Variants in SIRT2 observed in about 807,000 individuals in gnomAD.
SIRT2 encodes NAD-dependent protein deacetylase sirtuin-2.
In SIRT2, 40 loss-of-function variants were observed where a neutral mutation model predicts 57.4. The ratio of observed to expected loss-of-function variants is 0.70; its 90% CI spans 0.54 to 0.91. The LOEUF (loss-of-function observed/expected upper bound fraction) is 0.91, where lower values mean the gene tolerates loss of function less well. SIRT2 is among the 40% of genes least tolerant of loss of function. The pLI is 0.00. For synonymous variants in SIRT2, 161 were observed against 195.7 expected (o/e 0.82, Z 1.48); for missense variants, 439 against 510.4 (o/e 0.86, Z 1.35).
chr19:38,881,534 T>A (rs992987297), intron 9 of SIRT2, 43 bp from the exon 10 acceptor site: 1 of 1,570,706 alleles, frequency 6.4e-7, no homozygotes, highest in Non-Finnish European at 8.8e-7. Context: ...AGTAAGAGGA[T>A]CTGGGCCGGA....
intron 8 of SIRT2, among the ~76,000 whole-genome samples, chr19:38,884,938 G>A (rs1328458515): frequency 6.6e-6 from 1 of 151,504 alleles, no homozygotes; most frequent in East Asian, 2.0e-4. Context: ...GCTGGTCAGC[G>A]AGCCTTCTGC....
chr19:38,881,878 G>A (rs1973165668), intron 9 of SIRT2, among the ~76,000 whole-genome samples: 2 of 151,766 alleles, frequency 1.3e-5, no homozygotes, highest in Non-Finnish European at 2.9e-5. Flanking sequence ...TGTAGAGACA[G>A]GGTTTCGCCA....
intron 13 of SIRT2, 136 bp from the exon 14 acceptor site, chr19:38,879,838 T>A: frequency 1.5e-6 from 1 of 660,242 alleles, no homozygotes; most frequent in Admixed American, 2.9e-5. Context: ...TTTTTGGTTT[T>A]TTTTGAGACA....
chr19:38,887,014 G>A (rs1197983279), intron 8 of SIRT2, among the ~76,000 whole-genome samples: 2 of 150,338 alleles, frequency 1.3e-5, no homozygotes, highest in Non-Finnish European at 3.0e-5. Context: ...CTCAGCTCAG[G>A]GCAACCTCCA....
intron 14 of SIRT2, 55 bp downstream of exon 14, chr19:38,879,577 G>A (rs45496398): frequency 2.1e-5 from 33 of 1,552,164 alleles, no homozygotes; most frequent in South Asian, 1.5e-4. Flanking sequence ...TCGTGCCCCC[G>A]CTCCCACCTC....
At chr19:38,894,764 C>T (rs1241641426) in intron 2 of SIRT2, 1 of 455,808 alleles carries the variant, frequency 2.2e-6, no homozygotes, top group Non-Finnish European at 4.4e-6. Context: ...CAGCCCAGCT[C>T]CAGACTGGCA....
intron 13 of SIRT2, 30 bp from the exon 14 acceptor site, chr19:38,879,732 G>A (rs1328773192): frequency 6.5e-7 from 1 of 1,530,874 alleles, no homozygotes; most frequent in Non-Finnish European, 8.9e-7. Flanking sequence ...TCAGGGGCAG[G>A]AGCAGGGAAG....
intron 15 of SIRT2, 43 bp from the exon 16 acceptor site, chr19:38,879,353 C>G (rs149689689): frequency 4.3e-6 from 7 of 1,610,294 alleles, no homozygotes; most frequent in Non-Finnish European, 5.9e-6. Context: ...CACTGTGCAT[C>G]ATGGGGTCAG....
rs772601572 is a variant in SIRT2, at chr19:38,883,691, G to A, written c.567C>T (p.Thr189=). The change falls in exon 9 of 16, where the codon ACC becomes ACT. Residue 189 remains threonine, a synonymous_variant. Coordinates refer to ENST00000249396, the MANE Select transcript of SIRT2 (RefSeq NM_012237.4). Reference sequence around the variant, plus strand: ...CGCTGACGCAGTGTGATGTGTAGAAGGTGCCGTGCGCCTCCACCAAGTCCT... The same window carrying A: ...CGCTGACGCAGTGTGATGTGTAGAAAGTGCCGTGCGCCTCCACCAAGTCCT... ...EQEDLVEAHG[T]FYTSHCVSAS... The A allele has an allele frequency of 5.0e-6, 8 of 1,614,092 alleles. No individual in the cohort carries two copies. Among genetic ancestry groups the A allele is most frequent in the South Asian group, 4.4e-5 (4 of 91,084 alleles).
In SIRT2 at chr19:38,893,880, G is replaced by A; in HGVS notation, c.64-13C>T. ...CTGAATCTGAGTCCTGGAAGGGGTG[G>A]GGTGGAGTGGCCAGGCCCGAGAGGT... On this transcript the variant is annotated splice_polypyrimidine_tract_variant and intron_variant, in intron 2 of 15. Coordinates refer to ENST00000249396, the MANE Select transcript of SIRT2 (RefSeq NM_012237.4). The A allele has an allele frequency of 6.2e-7, 1 of 1,614,086 alleles. No individual in the cohort carries two copies. Among genetic ancestry groups the A allele is most frequent in the Non-Finnish European group, 8.5e-7 (1 of 1,179,984 alleles).
In SIRT2 at chr19:38,893,390, GC is replaced by G. The variant is rs752330635; in HGVS notation, c.226+23del. 3.2e-5 allele frequency: 47 copies of G among 1,477,486 alleles called. No individual in the cohort carries two copies. The South Asian group carries it at 5.0e-4, about 16-fold the overall frequency. The allele number at this position is 1,477,486 out of a possible 1,614,324, so 91.5% of individuals were successfully genotyped here. A position where few individuals can be genotyped will look rare whatever the true frequency, so the allele number is the denominator to read the frequency against. On this transcript the variant is annotated intron_variant, in intron 4 of 15. Coordinates refer to ENST00000249396, the MANE Select transcript of SIRT2 (RefSeq NM_012237.4). ...TTGGGGCCAGGAGCCAGGCAAAGTG[GC>G]CCAATCCTGACAGGGGACTCACAGC...
At chr19:38,892,491 C>A (rs1261770038) in intron 4 of SIRT2, among the ~76,000 whole-genome samples, 1 of 152,198 alleles carries the variant, frequency 6.6e-6, no homozygotes, top group Non-Finnish European at 1.5e-5. Flanking sequence ...GTAGTAATAA[C>A]CACGGCACAC....
At chr19:38,889,664 G>C (rs180706698) in intron 7 of SIRT2, 25 bp downstream of exon 7, 1 of 1,612,842 alleles carries the variant, frequency 6.2e-7, no homozygotes, top group Admixed American at 1.7e-5. Context: ...TTCCTGTTTC[G>C]CCCCCTGCAA....
chr19:38,893,926 G>A, intron 2 of SIRT2, 59 bp from the exon 3 acceptor site: 1 of 1,609,712 alleles, frequency 6.2e-7, no homozygotes, highest in South Asian at 1.1e-5. Flanking sequence ...AGGGAGGAGA[G>A]GGGGTGATAC....
rs373222056 is a variant in SIRT2, at chr19:38,882,765, C to T, written c.631+862G>A. ...AAAGCATTGTTTCAATGTCAGTAGTCGGTAATTTTCTTTAAAATATTTCTG... is the reference window on the plus strand; with the variant it reads ...AAAGCATTGTTTCAATGTCAGTAGTTGGTAATTTTCTTTAAAATATTTCTG... On this transcript the variant is annotated intron_variant, in intron 9 of 15. Transcript: ENST00000249396. 2.5e-4 allele frequency among the ~76,000 whole-genome samples: 38 copies of T among 152,232 alleles called. 1 individual carries two copies. Among genetic ancestry groups the T allele is most frequent in the African/African-American group, 9.1e-4 (38 of 41,534 alleles).
chr19:38,889,143 G>A lies in SIRT2; in HGVS notation c.445C>T (p.His149Tyr), dbSNP rs1472469269. ...YPGQFKPTIC[H>Y]YFMRLLKDKG... Reference sequence around the variant, plus strand: ...TCCTTCAGCAGGCGCATGAAGTAGTGACAGATGGTTGGCTGCAGGGAAGAG... The same window carrying A: ...TCCTTCAGCAGGCGCATGAAGTAGTAACAGATGGTTGGCTGCAGGGAAGAG... The change falls in exon 8 of 16, where the codon CAC (histidine) becomes TAC (tyrosine). Residue 149 changes from histidine to tyrosine, a missense_variant. By Grantham distance (83) the His-to-Tyr change is moderately conservative. Coordinates refer to ENST00000249396, the MANE Select transcript of SIRT2 (RefSeq NM_012237.4). The A allele has an allele frequency of 1.2e-6, 2 of 1,613,118 alleles. No homozygotes were observed. The highest frequency in any genetic ancestry group is 1.7e-6 in the Non-Finnish European group (2 of 1,180,018).
intron 2 of SIRT2, among the ~76,000 whole-genome samples, chr19:38,896,085 A>T (rs1973707432): frequency 6.6e-6 from 1 of 152,102 alleles, no homozygotes; most frequent in Non-Finnish European, 1.5e-5. Context: ...AAAAAGAGAG[A>T]GAGAAAGAGA....
chr19:38,899,530 T>C lies in SIRT2; in HGVS notation c.-9A>G. ...CGGTCTGGCTCTGCCATGGGCGCGG[T>C]GCTGAAGCCCTTGAGGCTGTCACCG... On this transcript the variant is annotated 5_prime_UTR_variant, in exon 1 of 16. Transcript: ENST00000249396. The C allele has an allele frequency of 6.2e-7, 1 of 1,613,744 alleles. No individual in the cohort carries two copies. The highest frequency in any genetic ancestry group is 8.5e-7 in the Non-Finnish European group (1 of 1,179,968).
intron 8 of SIRT2, among the ~76,000 whole-genome samples, chr19:38,885,043 C>G (rs2144677563): frequency 6.6e-6 from 1 of 152,142 alleles, no homozygotes; most frequent in Non-Finnish European, 1.5e-5. Flanking sequence ...TAGCCAGGGT[C>G]CTTTCTTACT....
Sources: gnomAD v4.1 joint callset for allele counts (sites outside exome capture counted in the v4.1 genomes callset) on GRCh38, gnomAD v4.1.1 for gene constraint, MANE v1.5 for transcripts, NCBI Gene and HGNC (gene_info 2026-07-23, HGNC 2026-07-21) for gene names.